Variants in AARD observed in about 807,000 individuals in gnomAD.
AARD encodes alanine- and arginine-rich domain-containing protein.
In AARD, 9 loss-of-function variants were observed where a neutral mutation model predicts 9.3. That is an observed-to-expected ratio of 0.97 (90% confidence interval 0.58 to 1.69). The LOEUF is 1.69. Among genes scored for constraint, AARD ranks in the 40% most tolerant of loss-of-function variants. The pLI, the probability that AARD is intolerant of heterozygous loss-of-function variation, is 0.00. For synonymous variants in AARD, 91 were observed against 93.8 expected (o/e 0.97, Z 0.17); for missense variants, 236 against 210.3 (o/e 1.12, Z -0.76).
chr8:116,939,529 G>A (rs979002768), intron 1 of AARD, among the ~76,000 whole-genome samples: 2 of 152,280 alleles, frequency 1.3e-5, no homozygotes, highest in East Asian at 1.9e-4. Context: ...CTACTCCAGA[G>A]GCTGATGCAG....
chr8:116,938,806 T>G, intron 1 of AARD: 1 of 518,924 alleles, frequency 1.9e-6, no homozygotes, highest in Non-Finnish European at 3.2e-6. Context: ...CCAAGATGTC[T>G]CCTCCCCAAC....
intron 1 of AARD, 92 bp from the exon 2 acceptor site, chr8:116,942,466 C>A: frequency 8.7e-7 from 1 of 1,144,162 alleles, no homozygotes; most frequent in Non-Finnish European, 1.2e-6. Flanking sequence ...TCTTTTCCTA[C>A]AAACTTCTTA....
At position 116,941,483 on chromosome 8, in the gene AARD, A is replaced by G. The variant is rs1325562457; in HGVS notation, c.325-1075A>G. Among the ~76,000 whole-genome samples, 4 of 152,338 alleles carry G rather than the reference A, an allele frequency of 2.6e-5. No homozygotes were observed. In the South Asian group the frequency reaches 8.3e-4, roughly 32 times the overall value. On this transcript the variant is annotated intron_variant, in intron 1 of 1. Transcript: ENST00000378279. ...GATTATAGAGCATCTGGGCCACCCT[A>G]GAGAGCTGAAGCTTCCTGCAGGCAA... is the stretch of plus-strand genomic sequence containing the variant.
Position 116,942,795 on chromosome 8 carries a change from T to C in AARD, c.*94T>C. 1 of 1,284,336 alleles carries C rather than the reference T, an allele frequency of 7.8e-7. No individual in the cohort carries two copies. Among genetic ancestry groups the C allele is most frequent in the Non-Finnish European group, 1.1e-6 (1 of 925,770 alleles). The allele number at this position is 1,284,336 out of a possible 1,614,324, so 79.6% of individuals were successfully genotyped here. On this transcript the variant is annotated 3_prime_UTR_variant, in exon 2 of 2. Transcript: ENST00000378279. ...GCGGGCGGATCAAGACGTCAGGAGA[T>C]TGAGACCATCCTGGCTAACACTGTG... is the stretch of plus-strand genomic sequence containing the variant.
Position 116,938,497 on chromosome 8 carries a change from C to A in AARD, c.254C>A (p.Ala85Glu). The A allele has an allele frequency of 6.5e-7, 1 of 1,537,164 alleles. No individual in the cohort carries two copies. The highest frequency in any genetic ancestry group is 8.7e-7 in the Non-Finnish European group (1 of 1,146,968). Reference protein sequence around the residue: ...ISRRVQEAAAAAAAREEQSWT... With the variant: ...ISRRVQEAAAEAAAREEQSWT... Reference sequence around the variant, plus strand: ...AGGCGCGTGCAGGAGGCGGCGGCGGCGGCGGCGGCGCGGGAGGAGCAGAGC... The same window carrying A: ...AGGCGCGTGCAGGAGGCGGCGGCGGAGGCGGCGGCGCGGGAGGAGCAGAGC... Residue 85 changes from alanine (A) to glutamate (E), a missense_variant, in exon 1 of 2, where the codon GCG (alanine) becomes GAG (glutamate). By Grantham distance (107) the Ala-to-Glu change is moderately radical. Coordinates refer to ENST00000378279, the MANE Select transcript of AARD (RefSeq NM_001025357.3).
intron 1 of AARD, among the ~76,000 whole-genome samples, chr8:116,941,105 G>C (rs1024767198): frequency 6.6e-6 from 1 of 152,064 alleles, no homozygotes; most frequent in Non-Finnish European, 1.5e-5. Context: ...TGTGTGCCCA[G>C]GCAGTGCACT....
At chr8:116,939,281 A>G (rs1412788407) in intron 1 of AARD, among the ~76,000 whole-genome samples, 2 of 152,176 alleles carry the variant, frequency 1.3e-5, no homozygotes, top group Non-Finnish European at 2.9e-5. Context: ...TTTAGAACTG[A>G]GCCAACCATT....
chr8:116,942,714 G>C lies in AARD; in HGVS notation c.*13G>C. 2 of 1,610,924 alleles carry C rather than the reference G, an allele frequency of 1.2e-6. No homozygotes were observed. The highest frequency in any genetic ancestry group is 1.1e-5 in the South Asian group (1 of 91,026). ...GAATCCGGAATAAAGAAATGCACAC[G>C]CAAGGGCTGGGCGCGGTGGCTCACG... On this transcript the variant is annotated 3_prime_UTR_variant, in exon 2 of 2. Transcript: ENST00000378279.
At position 116,938,434 on chromosome 8, in the gene AARD, C is replaced by T. The variant is rs1217937230; in HGVS notation, c.191C>T (p.Thr64Met). The T allele has an allele frequency of 6.2e-7, 1 of 1,609,168 alleles. No homozygotes were observed. The highest frequency in any genetic ancestry group is 1.7e-5 in the Admixed American group (1 of 59,646). Residue 64 changes from threonine to methionine, a missense_variant, in exon 1 of 2, where the codon ACG becomes ATG. Thr to Met is a moderately conservative substitution (Grantham distance 81). Transcript: ENST00000378279. ...CTGGAGGACCTCAGACGACGGCTGA[C>T]GCGCGCCTTCCAGTGGGCGGTGCAG... ...PLLEDLRRRLTRAFQWAVQRA... is the reference protein window; with the variant it reads ...PLLEDLRRRLMRAFQWAVQRA...
rs919763677 is a variant in AARD at position 116,942,804 on chromosome 8, T to A, written c.*103T>A. On this transcript the variant is annotated 3_prime_UTR_variant, in exon 2 of 2. Coordinates refer to ENST00000378279, the MANE Select transcript of AARD (RefSeq NM_001025357.3). ...TCAAGACGTCAGGAGATTGAGACCA[T>A]CCTGGCTAACACTGTGAAACCCTGC... 27 of 1,206,106 alleles carry A rather than the reference T, an allele frequency of 2.2e-5. No individual in the cohort carries two copies. The African/African-American group carries it at 3.8e-4, about 17-fold the overall frequency. The allele number at this position is 1,206,106 out of a possible 1,614,324, so 74.7% of individuals were successfully genotyped here.
rs948631320 is a variant in AARD at position 116,938,666 on chromosome 8, TG to T, written c.324+105del. On this transcript the variant is annotated intron_variant, in intron 1 of 1. Coordinates refer to ENST00000378279, the MANE Select transcript of AARD (RefSeq NM_001025357.3). ...TGGCCGCGTAGCCCACCCGACGCCT[TG>T]GGGGGCCCCTCAGGTCTGGACACGG... 4.4e-6 allele frequency: 6 copies of T among 1,364,074 alleles called. No individual in the cohort carries two copies. In the East Asian group the frequency reaches 1.2e-4, roughly 27 times the overall value. The allele number at this position is 1,364,074 out of a possible 1,614,324, so 84.5% of individuals were successfully genotyped here. A position where few individuals can be genotyped will look rare whatever the true frequency, so the allele number is the denominator to read the frequency against.
In AARD at chr8:116,942,672, C is replaced by T. The variant is rs368849597; in HGVS notation, c.439C>T (p.Pro147Ser). The change falls in exon 2 of 2, where the codon CCA (proline) becomes TCA (serine). Residue 147 changes from proline to serine, a missense_variant. Transcript: ENST00000378279. ...GGAAATTACATCAGACTCCCAAAGCCCAAAAGATGATGCTGCGAATCCGGA... is the reference window on the plus strand; with the variant it reads ...GGAAATTACATCAGACTCCCAAAGCTCAAAAGATGATGCTGCGAATCCGGA... ...ELEITSDSQSPKDDAANPE is the reference protein window; with the variant it reads ...ELEITSDSQSSKDDAANPE 1 of 1,613,644 alleles carries T rather than the reference C, an allele frequency of 6.2e-7. No homozygotes were observed. The highest frequency in any genetic ancestry group is 1.3e-5 in the African/African-American group (1 of 74,896).
chr8:116,939,105 AT>A (rs1008519639), intron 1 of AARD, among the ~76,000 whole-genome samples: 1 of 152,094 alleles, frequency 6.6e-6, no homozygotes, highest in African/African-American at 2.4e-5. Flanking sequence ...TAGCTGACTG[AT>A]TTTTTTTAAT....
Position 116,943,463 on chromosome 8 carries a change from C to T in AARD, c.*762C>T, listed in dbSNP as rs946593678. 1 of 152,196 alleles carries T rather than the reference C, an allele frequency of 6.6e-6. No homozygotes were observed. The highest frequency in any genetic ancestry group is 1.5e-5 in the Non-Finnish European group (1 of 68,028). The allele number at this position is 152,196 out of a possible 1,614,324, so 9.4% of individuals were successfully genotyped here. ...TTTCTACTTGGATTCTAACCATGCC[C>T]TTTAGGTGGTCTGTGACTAAGGGTA... On this transcript the variant is annotated 3_prime_UTR_variant, in exon 2 of 2. Transcript: ENST00000378279.
At chr8:116,942,467 A>G in intron 1 of AARD, 91 bp from the exon 2 acceptor site, 1 of 1,154,684 alleles carries the variant, frequency 8.7e-7, no homozygotes, top group Non-Finnish European at 1.2e-6. Context: ...CTTTTCCTAC[A>G]AACTTCTTAT....
chr8:116,938,521 G>A lies in AARD; in HGVS notation c.278G>A (p.Ser93Asn), dbSNP rs1813703738. Reference sequence around the variant, plus strand: ...GCGGCGGCGGCGCGGGAGGAGCAGAGCTGGACGGGCGTTGAGGCCACCCTG... The same window carrying A: ...GCGGCGGCGGCGCGGGAGGAGCAGAACTGGACGGGCGTTGAGGCCACCCTG... ...AAAAAAREEQ[S>N]WTGVEATLAR... is the part of the protein sequence containing the mutation. Residue 93 changes from serine (S) to asparagine (N), a missense_variant, in exon 1 of 2, where the codon AGC (serine) becomes AAC (asparagine). By Grantham distance (46) the Ser-to-Asn change is conservative. Transcript: ENST00000378279. 1 of 1,495,694 alleles carries A rather than the reference G, an allele frequency of 6.7e-7. No homozygotes were observed. The highest frequency in any genetic ancestry group is 1.3e-5 in the South Asian group (1 of 75,952). 92.7% of individuals were successfully genotyped at this position (1,495,694 alleles called of 1,614,324 possible).
chr8:116,938,930 A>G (rs1305337704), intron 1 of AARD, among the ~76,000 whole-genome samples: 1 of 152,242 alleles, frequency 6.6e-6, no homozygotes, highest in Non-Finnish European at 1.5e-5. Context: ...GAGTGTGTCC[A>G]TCAGTAACTC....
In AARD at chr8:116,943,839, G is replaced by A. The variant is rs1489315989; in HGVS notation, c.*1138G>A. 6.6e-6 allele frequency: 1 copy of A among 152,046 alleles called. No homozygotes were observed. The highest frequency in any genetic ancestry group is 1.5e-5 in the Non-Finnish European group (1 of 68,028). The allele number at this position is 152,046 out of a possible 1,614,324, so 9.4% of individuals were successfully genotyped here. A position where few individuals can be genotyped will look rare whatever the true frequency, so the allele number is the denominator to read the frequency against. ...CTTTTTGCCTAAGTAAATTCAAGCTGGAGTTTCATGACTTGTATCTAGTGT... is the reference window on the plus strand; with the variant it reads ...CTTTTTGCCTAAGTAAATTCAAGCTAGAGTTTCATGACTTGTATCTAGTGT... On this transcript the variant is annotated 3_prime_UTR_variant, in exon 2 of 2. Coordinates refer to ENST00000378279, the MANE Select transcript of AARD (RefSeq NM_001025357.3).
At position 116,938,476 on chromosome 8, in the gene AARD, G is replaced by A. The variant is rs1364260886; in HGVS notation, c.233G>A (p.Arg78His). The change falls in exon 1 of 2, where the codon CGC becomes CAC. Residue 78 changes from arginine (R) to histidine (H), a missense_variant. Coordinates refer to ENST00000378279, the MANE Select transcript of AARD (RefSeq NM_001025357.3). ...QWAVQRAISR[R>H]VQEAAAAAAA... Reference sequence around the variant, plus strand: ...GCGGTGCAGCGCGCGATCTCGAGGCGCGTGCAGGAGGCGGCGGCGGCGGCG... The same window carrying A: ...GCGGTGCAGCGCGCGATCTCGAGGCACGTGCAGGAGGCGGCGGCGGCGGCG... 1.9e-6 allele frequency: 3 copies of A among 1,578,540 alleles called. No homozygotes were observed. The highest frequency in any genetic ancestry group is 2.6e-6 in the Non-Finnish European group (3 of 1,164,906).
Sources: allele counts gnomAD v4.1 joint callset (sites outside exome capture counted in the v4.1 genomes callset), GRCh38; gene constraint gnomAD v4.1.1; transcripts MANE v1.5; gene names NCBI Gene and HGNC (gene_info 2026-07-23, HGNC 2026-07-21).